SCFD1: variants seen among roughly 807,000 people sequenced by gnomAD.
SCFD1 encodes sec1 family domain containing 1.
Under a neutral mutation model 103.2 loss-of-function variants are expected in SCFD1, and 37 were observed. That is an observed-to-expected ratio of 0.36 (90% CI 0.28 to 0.47). The LOEUF (loss-of-function observed/expected upper bound fraction) is 0.47. Among genes scored for constraint, SCFD1 ranks in the 20% least tolerant of loss-of-function variants. SCFD1 has a pLI of 1.00. For missense variants in SCFD1, 639 were observed against 761.2 expected, an observed-to-expected ratio of 0.84 and a Z score of 1.89; for synonymous variants, 264 against 245.0, an observed-to-expected ratio of 1.08 and a Z score of -0.73.
chr14:30,727,008 G>A (rs752134730), intron 23 of SCFD1, among the ~76,000 whole-genome samples: 1 of 151,992 alleles, frequency 6.6e-6, no homozygotes, highest in Non-Finnish European at 1.5e-5. Flanking sequence ...GAGAGATGGC[G>A]GGCGAGGGAA....
intron 14 of SCFD1, among the ~76,000 whole-genome samples, chr14:30,677,926 A>ACCT (rs756089349): frequency 7.9e-6 from 1 of 125,848 alleles, no homozygotes; most frequent in Non-Finnish European, 1.6e-5. Flanking sequence ...TGCAACCTCC[A>ACCT]CCTCCTGGGT....
At chr14:30,652,519 A>T (rs1322614902) in intron 9 of SCFD1, 1 of 152,162 alleles carries the variant, frequency 6.6e-6, no homozygotes, top group Non-Finnish European at 1.5e-5. Context: ...TAGGAAAAAA[A>T]TTATAATTTA....
rs554154072 is a variant in SCFD1 at position 30,720,418 on chromosome 14, A to G, written c.1736+1041A>G. On this transcript the variant is annotated intron_variant, in intron 21 of 24. Coordinates refer to ENST00000458591, the MANE Select transcript of SCFD1 (RefSeq NM_016106.4). ...ATTGTACACTTTACAACAATGGATTAGCAACTTTTTTCTATATTAATGATT... is the reference window on the plus strand; with the variant it reads ...ATTGTACACTTTACAACAATGGATTGGCAACTTTTTTCTATATTAATGATT... Among the ~76,000 whole-genome samples, 15 of 152,296 alleles carry G rather than the reference A, an allele frequency of 9.8e-5. No individual in the cohort carries two copies. In the South Asian group the frequency reaches 3.1e-3, roughly 32 times the overall value.
chr14:30,649,342 AC>A (rs1886178881), intron 7 of SCFD1, among the ~76,000 whole-genome samples, 185 bp from the exon 8 acceptor site: 1 of 152,008 alleles, frequency 6.6e-6, no homozygotes, highest in African/African-American at 2.4e-5. Flanking sequence ...CTGTACTTGT[AC>A]CCCCTAAATA....
chr14:30,692,480 G>A (rs566187291), intron 14 of SCFD1, among the ~76,000 whole-genome samples: 1 of 152,286 alleles, frequency 6.6e-6, no homozygotes, highest in Admixed American at 6.5e-5. Context: ...TGAAGGAAGA[G>A]TTGTAGAAAA....
intron 15 of SCFD1, among the ~76,000 whole-genome samples, chr14:30,695,370 A>G (rs1890620598): frequency 6.6e-6 from 1 of 152,178 alleles, no homozygotes; most frequent in African/African-American, 2.4e-5. Flanking sequence ...TACTTAGAAA[A>G]TATGATCTAT....
At chr14:30,722,665 A>G (rs964754889) in intron 23 of SCFD1, 106 bp downstream of exon 23, 11 of 584,306 alleles carry the variant, frequency 1.9e-5, no homozygotes, top group Non-Finnish European at 2.5e-5. Context: ...CTTTTCTAAA[A>G]GGTAGTTTTA....
At chr14:30,635,280 A>G (rs1884610520) in intron 4 of SCFD1, among the ~76,000 whole-genome samples, 2 of 152,186 alleles carry the variant, frequency 1.3e-5, no homozygotes, top group African/African-American at 4.8e-5. Context: ...ATACCATACA[A>G]TTCACACATT....
chr14:30,707,216 T>C (rs1227464087), intron 18 of SCFD1, among the ~76,000 whole-genome samples: 1 of 152,224 alleles, frequency 6.6e-6, no homozygotes, highest in Non-Finnish European at 1.5e-5. Flanking sequence ...TATAAGAAGC[T>C]CTTGGGTGAT....
intron 23 of SCFD1, among the ~76,000 whole-genome samples, chr14:30,733,564 C>T (rs1893632891): frequency 6.6e-6 from 1 of 152,190 alleles, no homozygotes; most frequent in South Asian, 2.1e-4. Context: ...TGCTTATCTC[C>T]AAGAATACCA....
chr14:30,735,199 C>A, intron 24 of SCFD1: 1 of 283,780 alleles, frequency 3.5e-6, no homozygotes, highest in Non-Finnish European at 6.5e-6. Flanking sequence ...TTTTAATTCC[C>A]AGGGTTTTTC....
chr14:30,635,215 C>G (rs1357181478), intron 4 of SCFD1, among the ~76,000 whole-genome samples: 1 of 152,234 alleles, frequency 6.6e-6, no homozygotes, highest in East Asian at 1.9e-4. Context: ...GTACCACTTG[C>G]AATCTCTTCT....
At chr14:30,654,388 T>C (rs1886697844) in intron 10 of SCFD1, among the ~76,000 whole-genome samples, 1 of 152,144 alleles carries the variant, frequency 6.6e-6, no homozygotes, top group African/African-American at 2.4e-5. Flanking sequence ...AAACAGGGAA[T>C]GAAAGCTGAG....
At chr14:30,635,828 A>G (rs1269056486) in intron 4 of SCFD1, among the ~76,000 whole-genome samples, 1 of 152,152 alleles carries the variant, frequency 6.6e-6, no homozygotes, top group African/African-American at 2.4e-5. Flanking sequence ...TTTTAGTAAT[A>G]GACTGTTTTG....
chr14:30,647,066 T>A (rs919207917), intron 7 of SCFD1, among the ~76,000 whole-genome samples: 5 of 152,202 alleles, frequency 3.3e-5, no homozygotes, highest in African/African-American at 1.2e-4. Flanking sequence ...AAACAACTTC[T>A]GGTTTCCTTG....
At chr14:30,695,862 A>T (rs2139317131) in intron 15 of SCFD1, among the ~76,000 whole-genome samples, 2 of 152,242 alleles carry the variant, frequency 1.3e-5, no homozygotes, top group African/African-American at 4.8e-5. Flanking sequence ...GCAGAGCAAG[A>T]CCTGGTCTCA....
chr14:30,670,103 C>T (rs1170978895), intron 10 of SCFD1, 153 bp from the exon 11 acceptor site: 2 of 616,294 alleles, frequency 3.2e-6, no homozygotes, highest in African/African-American at 1.9e-5. Context: ...AATACAGAAA[C>T]AAAATTACAT....
Position 30,725,882 on chromosome 14 carries a change from A to G in SCFD1, c.1836+3323A>G, listed in dbSNP as rs140904092. Among the ~76,000 whole-genome samples the G allele has an allele frequency of 1.2e-4, 19 of 152,330 alleles. 1 individual carries two copies. The highest frequency in any genetic ancestry group is 3.1e-4 in the African/African-American group (13 of 41,572). On this transcript the variant is annotated intron_variant, in intron 23 of 24. Transcript: ENST00000458591. ...CAGAAACCAGATGCAAACCGTCTCTATAAACGGTGCTGACAAGCTAGTACA... is the reference window on the plus strand; with the variant it reads ...CAGAAACCAGATGCAAACCGTCTCTGTAAACGGTGCTGACAAGCTAGTACA...
chr14:30,708,115 TG>T, intron 19 of SCFD1, 50 bp downstream of exon 19: 4 of 1,219,510 alleles, frequency 3.3e-6, no homozygotes, highest in East Asian at 2.3e-5. Flanking sequence ...ACATAAATGT[TG>T]ACAGGCTAAC....
Sources: gnomAD v4.1 joint callset for allele counts (sites outside exome capture counted in the v4.1 genomes callset) on GRCh38, gnomAD v4.1.1 for gene constraint, MANE v1.5 for transcripts, NCBI Gene and HGNC (gene_info 2026-07-23, HGNC 2026-07-21) for gene names.